GIPC2: variants seen among roughly 807,000 people sequenced by gnomAD.
GIPC2 encodes the protein GIPC PDZ domain containing family member 2.
A neutral mutation model predicts 30.6 loss-of-function variants in GIPC2; 30 were observed. The ratio of observed to expected loss-of-function variants is 0.98; its 90% confidence interval spans 0.73 to 1.33. The LOEUF (loss-of-function observed/expected upper bound fraction) is 1.33. GIPC2 is among the 40% of genes most tolerant of loss of function. GIPC2 has a pLI of 0.00. For missense variants in GIPC2, 414 were observed against 390.3 expected, an observed-to-expected ratio of 1.06 and a Z score of -0.51; for synonymous variants, 167 against 150.0, an observed-to-expected ratio of 1.11 and a Z score of -0.83.
intron 1 of GIPC2, among the ~76,000 whole-genome samples, chr1:78,047,084 A>G (rs996088006): frequency 1.3e-5 from 2 of 152,232 alleles, no homozygotes; most frequent in Admixed American, 6.5e-5. Context: ...ATTTGCTTTA[A>G]TTAGATTTCA....
At chr1:78,082,974 A>G (rs536358104) in intron 2 of GIPC2, among the ~76,000 whole-genome samples, 2 of 152,200 alleles carry the variant, frequency 1.3e-5, no homozygotes, top group East Asian at 3.9e-4. Context: ...TTTACCCCTT[A>G]GTACTTCAGA....
chr1:78,120,934 T>C (rs1365336801), intron 4 of GIPC2, among the ~76,000 whole-genome samples: 1 of 152,224 alleles, frequency 6.6e-6, no homozygotes, highest in East Asian at 1.9e-4. Context: ...ATTAATTTTG[T>C]CTACTGTCTA....
intron 4 of GIPC2, 95 bp from the exon 5 acceptor site, chr1:78,125,786 A>T (rs754465363): frequency 1.5e-6 from 1 of 686,274 alleles, no homozygotes; most frequent in Admixed American, 2.3e-5. Context: ...ATACACAATT[A>T]TGAACCGGCT....
chr1:78,135,514 A>G (rs976590048), intron 5 of GIPC2, 78 bp from the exon 6 acceptor site: 1 of 804,734 alleles, frequency 1.2e-6, no homozygotes, highest in African/African-American at 1.8e-5. Flanking sequence ...TTTAGCAAGT[A>G]ATTTTCCTGT....
intron 2 of GIPC2, among the ~76,000 whole-genome samples, chr1:78,087,620 A>G (rs1254353282): frequency 6.6e-6 from 1 of 152,226 alleles, no homozygotes; most frequent in Non-Finnish European, 1.5e-5. Flanking sequence ...ATTAAGATGA[A>G]TTAAAGACTT....
At chr1:78,061,496 TG>T (rs1469450767) in intron 1 of GIPC2, among the ~76,000 whole-genome samples, 1 of 151,832 alleles carries the variant, frequency 6.6e-6, no homozygotes, top group Non-Finnish European at 1.5e-5. Context: ...TTTTTTTGTT[TG>T]TTTTTTTTTT....
intron 1 of GIPC2, 57 bp from the exon 2 acceptor site, chr1:78,080,618 T>A (rs1661807080): frequency 3.4e-6 from 3 of 892,802 alleles, no homozygotes; most frequent in Non-Finnish European, 5.2e-6. Flanking sequence ...ATAAATAAAT[T>A]AACGGTCAGA....
chr1:78,109,731 T>G (rs2100408977), intron 3 of GIPC2, among the ~76,000 whole-genome samples: 2 of 152,342 alleles, frequency 1.3e-5, no homozygotes, highest in Non-Finnish European at 2.9e-5. Context: ...TAGTGTGTTT[T>G]TTTTTCTTTT....
intron 3 of GIPC2, among the ~76,000 whole-genome samples, chr1:78,107,510 A>T (rs1227543333): frequency 6.6e-6 from 1 of 152,044 alleles, no homozygotes; most frequent in Non-Finnish European, 1.5e-5. Context: ...TAACTTTCAT[A>T]ACAAGAAAAC....
chr1:78,088,559 A>C (rs1314532973), intron 2 of GIPC2, among the ~76,000 whole-genome samples: 1 of 152,216 alleles, frequency 6.6e-6, no homozygotes, highest in Non-Finnish European at 1.5e-5. Flanking sequence ...ATGAGAACTT[A>C]TGAACACAAA....
intron 1 of GIPC2, among the ~76,000 whole-genome samples, chr1:78,060,183 CT>C (rs974731021): frequency 1.1e-3 from 167 of 145,526 alleles, no homozygotes; most frequent in East Asian, 1.2e-3. Flanking sequence ...TTTCATCTCT[CT>C]TTTTTTTTTT....
chr1:78,071,378 C>G (rs1245494623), intron 1 of GIPC2, among the ~76,000 whole-genome samples: 1 of 151,790 alleles, frequency 6.6e-6, no homozygotes, highest in Non-Finnish European at 1.5e-5. Context: ...ATTATGCAAA[C>G]TGTCTTACTC....
chr1:78,060,183 C>CTTT (rs974731021), intron 1 of GIPC2, among the ~76,000 whole-genome samples: 1 of 145,920 alleles, frequency 6.9e-6, no homozygotes, highest in African/African-American at 2.5e-5. Context: ...TTTCATCTCT[C>CTTT]TTTTTTTTTT....
chr1:78,099,934 G>T (rs557466609), intron 3 of GIPC2, among the ~76,000 whole-genome samples: 1 of 152,154 alleles, frequency 6.6e-6, no homozygotes, highest in African/African-American at 2.4e-5. Context: ...AGGTGGTGGC[G>T]TCACAGGAAA....
At chr1:78,121,298 G>A (rs1373553521) in intron 4 of GIPC2, among the ~76,000 whole-genome samples, 1 of 152,196 alleles carries the variant, frequency 6.6e-6, no homozygotes, top group Non-Finnish European at 1.5e-5. Context: ...TGTCGAGCAG[G>A]TGACTGATGC....
intron 2 of GIPC2, chr1:78,088,882 C>G (rs1661984879): frequency 6.6e-6 from 1 of 151,698 alleles, no homozygotes; most frequent in South Asian, 2.1e-4. Flanking sequence ...AGATGTGTCA[C>G]TCCTTCTCCT....
At chr1:78,133,625 G>C (rs907095716) in intron 5 of GIPC2, among the ~76,000 whole-genome samples, 5 of 152,056 alleles carry the variant, frequency 3.3e-5, no homozygotes, top group African/African-American at 1.2e-4. Context: ...CATTTTGAGT[G>C]GTCAGATTTA....
intron 1 of GIPC2, among the ~76,000 whole-genome samples, chr1:78,066,694 T>A (rs1244872688): frequency 6.6e-6 from 1 of 152,248 alleles, no homozygotes; most frequent in Non-Finnish European, 1.5e-5. Flanking sequence ...CATGGAATGC[T>A]ATGCAGCCAT....
intron 3 of GIPC2, among the ~76,000 whole-genome samples, chr1:78,110,146 T>G (rs1334172911): frequency 6.6e-6 from 1 of 151,470 alleles, no homozygotes; most frequent in Non-Finnish European, 1.5e-5. Context: ...GTAACTAACC[T>G]GCACGTTGTG....
Sources: allele counts gnomAD v4.1 joint callset (sites outside exome capture counted in the v4.1 genomes callset), GRCh38; gene constraint gnomAD v4.1.1; transcripts MANE v1.5; gene names NCBI Gene and HGNC (gene_info 2026-07-23, HGNC 2026-07-21).